OFD1: variants seen among roughly 807,000 people sequenced by gnomAD.
OFD1 encodes the protein OFD1 centriole and centriolar satellite protein, also known as centriole and centriolar satellite protein OFD1.
In OFD1, 12 loss-of-function variants were observed where a neutral mutation model predicts 81.4. That is an observed-to-expected ratio of 0.15 (90% CI 0.09 to 0.24). The LOEUF (loss-of-function observed/expected upper bound fraction) is 0.24, where lower values mean the gene tolerates loss of function less well. Ranked by LOEUF, OFD1 falls within the 10% of genes least tolerant of loss-of-function variation. OFD1 has a pLI of 1.00. For missense variants in OFD1, 685 were observed against 733.9 expected (o/e 0.93, Z 0.77); for synonymous variants, 256 against 263.7 (o/e 0.97, Z 0.28).
At chrX:13,733,384 C>T (rs182744941), upstream of OFD1, among the ~76,000 whole-genome samples, 3 of 111,634 alleles carry the variant, frequency 2.7e-5, no homozygotes, top group East Asian at 8.4e-4. Context: ...TTCACTTTGA[C>T]TATATCGAGT....
chrX:13,751,745 A>G (rs1303024072), intron 10 of OFD1, among the ~76,000 whole-genome samples: 2 of 111,951 alleles, frequency 1.8e-5, no homozygotes. Flanking sequence ...GAGGCAGGAG[A>G]ATCACTTGAA....
Position 13,739,021 on chromosome X carries a change from A to T in OFD1, c.401A>T (p.Glu134Val). The change falls in exon 5 of 23, where the codon GAA (glutamate) becomes GTA (valine). Residue 134 changes from glutamate (E) to valine (V), a missense_variant. Glu to Val is a moderately radical substitution (Grantham distance 121, BLOSUM62 -2). Transcript: ENST00000340096. ...TAACAGGTTTCAGGATCTGATAAAG[A>T]AAATCAAAAAGGTAGGAGCCGTCAT... ...YKSLVSGSDKENQKGFLMHFL... is the reference protein window; with the variant it reads ...YKSLVSGSDKVNQKGFLMHFL... 8.3e-7 allele frequency: 1 copy of T among 1,203,045 alleles called. No homozygotes were observed. The highest frequency in any genetic ancestry group is 1.1e-6 in the Non-Finnish European group (1 of 887,972).
At chrX:13,755,946 C>CTTTTTTTTTTTTT (rs34300430) in intron 12 of OFD1, among the ~76,000 whole-genome samples, 1 of 65,098 alleles carries the variant, frequency 1.5e-5, no homozygotes, top group Non-Finnish European at 2.6e-5. Flanking sequence ...CTTTCTTTCC[C>CTTTTTTTTTTTTT]TTTTTTTTTT....
chrX:13,736,798 G>C (rs1042615585), intron 3 of OFD1, 120 bp downstream of exon 3: 5 of 520,832 alleles, frequency 9.6e-6, no homozygotes, highest in Admixed American at 6.2e-5. Flanking sequence ...TTTCCTCTTT[G>C]AATTCACATT....
chrX:13,716,817 G>C, the OFD1 span: 1 of 587,947 alleles, frequency 1.7e-6, no homozygotes, highest in South Asian at 3.2e-5. Context: ...ATTGTCATGA[G>C]ACTTATAAAA....
upstream of OFD1, among the ~76,000 whole-genome samples, chrX:13,729,838 G>T (rs1237693237): frequency 8.9e-6 from 1 of 111,976 alleles, no homozygotes; most frequent in Middle Eastern, 4.2e-3. Flanking sequence ...AATCCAAGAG[G>T]TGGAGGTTGC....
At chrX:13,744,788 T>C (rs1439187597) in intron 6 of OFD1, among the ~76,000 whole-genome samples, 4 of 112,476 alleles carry the variant, frequency 3.6e-5, no homozygotes, top group Non-Finnish European at 7.5e-5. Context: ...GAGTTTGACT[T>C]CTCTTAACTG....
chrX:13,754,432 T>A (rs867459093), intron 11 of OFD1, among the ~76,000 whole-genome samples: 88 of 105,988 alleles, frequency 8.3e-4, no homozygotes, highest in Admixed American at 1.1e-3. Context: ...TTTTTTTTTT[T>A]AAGAGACGGA....
intron 18 of OFD1, 75 bp downstream of exon 18, chrX:13,762,519 TGGTTTAAAAA>T (rs1327104355): frequency 1.5e-6 from 1 of 658,531 alleles, no homozygotes; most frequent in Non-Finnish European, 2.4e-6. Context: ...ACGTATCCAT[TGGTTTAAAAA>T]GAAAAGCAGT....
chrX:13,740,208 A>G (rs2047036769), intron 5 of OFD1: 3 of 929,727 alleles, frequency 3.2e-6, no homozygotes, highest in South Asian at 4.0e-5. Flanking sequence ...ACTGAAGTTC[A>G]GTATGGTAAA....
At chrX:13,728,742 T>C in the OFD1 span, among the ~76,000 whole-genome samples, 1 of 111,977 alleles carries the variant, frequency 8.9e-6, no homozygotes, top group Non-Finnish European at 1.9e-5. Context: ...TGTTGGAAGT[T>C]CTGGCCAGGG....
chrX:13,734,554 A>G, upstream of OFD1: 1 of 401,237 alleles, frequency 2.5e-6, no homozygotes. Flanking sequence ...ACGGAAACGC[A>G]ATGTCAGTTT....
intron 19 of OFD1, among the ~76,000 whole-genome samples, chrX:13,765,008 G>A (rs1470505006): frequency 8.9e-6 from 1 of 112,042 alleles, no homozygotes; most frequent in East Asian, 2.8e-4. Context: ...AGACCTGAGC[G>A]AGGGAATACA....
intron 17 of OFD1, among the ~76,000 whole-genome samples, chrX:13,761,515 T>C (rs1186037520): frequency 1.8e-5 from 2 of 112,174 alleles, no homozygotes; most frequent in African/African-American, 6.5e-5. Flanking sequence ...ATTTGGTTTA[T>C]TAAGATAAAA....
In OFD1 at chrX:13,761,183, G is replaced by A; in HGVS notation, c.2359G>A (p.Val787Ile). 8.3e-7 allele frequency: 1 copy of A among 1,210,906 alleles called. No individual in the cohort carries two copies. The highest frequency in any genetic ancestry group is 1.1e-6 in the Non-Finnish European group (1 of 895,053). ...TAGGCACAGCCTCTCCATCCCTCCT[G>A]TCTCCAGCCCTCCGGAGCAGAAAGT... ...ESRHSLSIPP[V>I]SSPPEQKVGL... Residue 787 changes from valine (V) to isoleucine (I), a missense_variant, in exon 17 of 23, where the codon GTC becomes ATC. Val to Ile is a conservative substitution (Grantham distance 29). Coordinates refer to ENST00000340096, the MANE Select transcript of OFD1 (RefSeq NM_003611.3).
chrX:13,754,663 C>T (rs1015758907), intron 11 of OFD1, among the ~76,000 whole-genome samples: 1 of 112,160 alleles, frequency 8.9e-6, no homozygotes, highest in African/African-American at 3.2e-5. Flanking sequence ...CTGACTTGGC[C>T]TCCCAAAGTG....
chrX:13,755,630 T>C (rs2047673313), intron 12 of OFD1, among the ~76,000 whole-genome samples: 1 of 112,309 alleles, frequency 8.9e-6, no homozygotes, highest in East Asian at 2.8e-4. Flanking sequence ...AGTTTCTACA[T>C]CAGCCTGTTA....
chrX:13,736,651 T>G lies in OFD1; in HGVS notation c.285T>G (p.Phe95Leu), dbSNP rs765538200. 8 of 1,206,637 alleles carry G rather than the reference T, an allele frequency of 6.6e-6. No individual in the cohort carries two copies. The South Asian group carries it at 1.2e-4, about 19-fold the overall frequency. Residue 95 changes from phenylalanine to leucine, a missense_variant, in exon 3 of 23, where the codon TTT becomes TTG. Around this residue, in one of 3 missense-constraint regions of OFD1, gnomAD observed 414 missense variants for 447.2 expected, o/e 0.93. Coordinates refer to ENST00000340096, the MANE Select transcript of OFD1 (RefSeq NM_003611.3). ...CGYEYSLSVF[F>L]PESGLAKEKV... is the part of the protein sequence containing the mutation. ...ATGAATATTCACTTTCTGTTTTCTTTCCAGAAAGTGGTTTGGCAAAAGAAA... is the reference window on the plus strand; with the variant it reads ...ATGAATATTCACTTTCTGTTTTCTTGCCAGAAAGTGGTTTGGCAAAAGAAA...
Position 13,760,119 on chromosome X carries a change from A to G in OFD1, c.1659A>G (p.Leu553=). Residue 553 remains leucine, a synonymous_variant, in exon 16 of 23, where the codon CTA becomes CTG. Transcript: ENST00000340096. ...KLQLKQTQTA[L]ENEVYCNPKQ... ...TTGGCTTTTTGTACCCTGCAGCCCT[A>G]GAGAATGAAGTGTACTGCAATCCAA... The G allele has an allele frequency of 8.3e-7, 1 of 1,211,582 alleles. No homozygotes were observed. The highest frequency in any genetic ancestry group is 1.1e-6 in the Non-Finnish European group (1 of 895,152).
Sources: gnomAD v4.1 joint callset for allele counts (sites outside exome capture counted in the v4.1 genomes callset) on GRCh38, gnomAD v4.1.1 for gene constraint, gnomAD v4.1.1 regional missense constraint, MANE v1.5 for transcripts, NCBI Gene and HGNC (gene_info 2026-07-23, HGNC 2026-07-21) for gene names.